The following OPCML variants were observed in gnomAD, a reference collection of about 807,000 sequenced individuals.
OPCML encodes the protein opioid binding protein/cell adhesion molecule like.
A neutral mutation model predicts 37.8 loss-of-function variants in OPCML; 13 were observed. The observed-to-expected ratio is 0.34, with a 90% CI of 0.22 to 0.55. The LOEUF (loss-of-function observed/expected upper bound fraction) is 0.55. Among genes scored for constraint, OPCML ranks in the 20% least tolerant of loss-of-function variants. The probability of loss-of-function intolerance (pLI) is 0.91; values close to 1 mark genes in which losing one functional copy is unlikely to be tolerated. For missense variants in OPCML, 341 were observed against 435.6 expected (o/e 0.78, Z 1.93); for synonymous variants, 176 against 168.8 (o/e 1.04, Z -0.33).
chr11:133,309,141 G>A (rs1211450808), intron 1 of OPCML, among the ~76,000 whole-genome samples: 1 of 152,156 alleles, frequency 6.6e-6, no homozygotes, highest in Non-Finnish European at 1.5e-5. Flanking sequence ...AGAAGTTTAA[G>A]CAGAAACAAG....
Position 132,543,357 on chromosome 11 carries a change from C to A in OPCML, c.380-14171G>T, listed in dbSNP as rs533847780. ...CAAGTCCCTGTCTCTTTAAAATGCA[C>A]ACACACACAGCCAGGCATGGTGGCA... On this transcript the variant is annotated intron_variant, in intron 3 of 7. Coordinates refer to ENST00000524381, the MANE Select transcript of OPCML (RefSeq NM_001012393.5). 3.6e-4 allele frequency among the ~76,000 whole-genome samples: 54 copies of A among 151,918 alleles called. No individual in the cohort carries two copies. In the East Asian group the frequency reaches 7.4e-3, roughly 21 times the overall value.
intron 1 of OPCML, among the ~76,000 whole-genome samples, chr11:133,380,847 T>A (rs1345519445): frequency 3.3e-5 from 5 of 152,152 alleles, no homozygotes; most frequent in Non-Finnish European, 2.9e-5. Context: ...GAATCATCTA[T>A]AAAATCATTT....
intron 1 of OPCML, among the ~76,000 whole-genome samples, chr11:133,459,099 G>T (rs1191807414): frequency 1.3e-5 from 2 of 152,008 alleles, no homozygotes; most frequent in African/African-American, 4.8e-5. Context: ...GGGAGGAGGA[G>T]CTGTAAAGAA....
intron 1 of OPCML, among the ~76,000 whole-genome samples, chr11:133,045,138 C>A (rs1382935165): frequency 1.3e-5 from 2 of 152,150 alleles, no homozygotes; most frequent in Non-Finnish European, 2.9e-5. Context: ...CTCACACATA[C>A]CCCCGGCTCT....
intron 1 of OPCML, among the ~76,000 whole-genome samples, chr11:133,157,459 C>A (rs1005616909): frequency 6.6e-6 from 1 of 152,128 alleles, no homozygotes; most frequent in Non-Finnish European, 1.5e-5. Flanking sequence ...CCATTTTGGG[C>A]TCTCTCTTCA....
At chr11:133,096,398 G>T (rs1465321918) in intron 1 of OPCML, among the ~76,000 whole-genome samples, 1 of 151,912 alleles carries the variant, frequency 6.6e-6, no homozygotes, top group Non-Finnish European at 1.5e-5. Flanking sequence ...GGTGGTAGGA[G>T]AGAAAATGAG....
At chr11:132,737,919 C>A (rs1035051666) in intron 2 of OPCML, among the ~76,000 whole-genome samples, 2 of 152,166 alleles carry the variant, frequency 1.3e-5, no homozygotes, top group African/African-American at 2.4e-5. Context: ...GGTATCTCTA[C>A]GCTCAGAATG....
intron 1 of OPCML, among the ~76,000 whole-genome samples, chr11:133,457,422 C>T (rs1400243885): frequency 6.6e-6 from 1 of 151,866 alleles, no homozygotes; most frequent in Non-Finnish European, 1.5e-5. Flanking sequence ...GCCTGTAGTC[C>T]CAACTACTTG....
chr11:132,669,827 A>G (rs1381661377), intron 2 of OPCML, among the ~76,000 whole-genome samples: 1 of 152,118 alleles, frequency 6.6e-6, no homozygotes, highest in Non-Finnish European at 1.5e-5. Flanking sequence ...GGTCATCAGC[A>G]ATGGTTTGGA....
chr11:133,190,534 G>C (rs1018557559), intron 1 of OPCML, among the ~76,000 whole-genome samples: 3 of 151,868 alleles, frequency 2.0e-5, no homozygotes, highest in Admixed American at 6.6e-5. Context: ...ACTGATTTTA[G>C]TTTGTTCACA....
Position 132,420,041 on chromosome 11 carries a change from C to T in OPCML, c.*152G>A. ...CACTCATTCAAGCTGGAAATAAAAG[C>T]AAACAAACAAATAAACAAAAACAAA... On this transcript the variant is annotated 3_prime_UTR_variant, in exon 8 of 8. Transcript: ENST00000524381. The T allele has an allele frequency of 2.4e-6, 1 of 408,978 alleles. No homozygotes were observed. The highest frequency in any genetic ancestry group is 4.4e-6 in the Non-Finnish European group (1 of 225,614). The allele number at this position is 408,978 out of a possible 1,614,324, so 25.3% of individuals were successfully genotyped here.
chr11:132,855,218 T>G (rs1348534077), intron 2 of OPCML, among the ~76,000 whole-genome samples: 2 of 150,182 alleles, frequency 1.3e-5, no homozygotes, highest in Non-Finnish European at 2.9e-5. Flanking sequence ...TTCTGGTAAC[T>G]GACTGACTAC....
intron 1 of OPCML, among the ~76,000 whole-genome samples, chr11:133,018,519 G>C (rs917410448): frequency 6.6e-6 from 1 of 152,114 alleles, no homozygotes; most frequent in Admixed American, 6.5e-5. Context: ...ATTCAGACGT[G>C]CCCTTTTGTA....
intron 1 of OPCML, among the ~76,000 whole-genome samples, chr11:133,149,929 C>T (rs556110278): frequency 1.3e-5 from 2 of 152,160 alleles, no homozygotes; most frequent in Non-Finnish European, 2.9e-5. Context: ...TTCAAGAGGC[C>T]GGAGCACTTG....
chr11:132,851,663 C>T (rs1369078952), intron 2 of OPCML, among the ~76,000 whole-genome samples: 2 of 152,200 alleles, frequency 1.3e-5, no homozygotes, highest in Non-Finnish European at 2.9e-5. Flanking sequence ...AAGCACTCAG[C>T]TAAGCACTTT....
chr11:133,045,344 A>G (rs1947986619), intron 1 of OPCML, among the ~76,000 whole-genome samples: 2 of 152,198 alleles, frequency 1.3e-5, no homozygotes, highest in Non-Finnish European at 2.9e-5. Context: ...CGCTAGCTCT[A>G]TTGCAGTAGG....
Position 133,035,138 on chromosome 11 carries a change from T to C in OPCML, c.62-92128A>G, listed in dbSNP as rs890268972. Among the ~76,000 whole-genome samples, 22 of 152,218 alleles carry C rather than the reference T, an allele frequency of 1.4e-4. 1 individual carries two copies. The highest frequency in any genetic ancestry group is 5.9e-5 in the Non-Finnish European group (4 of 68,040). Reference sequence around the variant, plus strand: ...TACAGAGGGGAGGGTACTGTTGATATGCAGTCTTGCTCATAGATTACCTTC... The same window carrying C: ...TACAGAGGGGAGGGTACTGTTGATACGCAGTCTTGCTCATAGATTACCTTC... On this transcript the variant is annotated intron_variant, in intron 1 of 7. Coordinates refer to ENST00000524381, the MANE Select transcript of OPCML (RefSeq NM_001012393.5).
intron 1 of OPCML, chr11:133,006,575 T>G (rs1947117481): frequency 1.0e-6 from 1 of 985,346 alleles, no homozygotes; most frequent in African/African-American, 1.7e-5. Context: ...TATAGGGTGC[T>G]GTTGAAAGTT....
intron 3 of OPCML, among the ~76,000 whole-genome samples, chr11:132,570,475 T>A (rs2096434594): frequency 6.6e-6 from 1 of 152,018 alleles, no homozygotes; most frequent in African/African-American, 2.4e-5. Flanking sequence ...TTTTCTTTAA[T>A]GCAATTATTA....
Sources: allele counts gnomAD v4.1 joint callset (sites outside exome capture counted in the v4.1 genomes callset), GRCh38; gene constraint gnomAD v4.1.1; transcripts MANE v1.5; gene names NCBI Gene and HGNC (gene_info 2026-07-23, HGNC 2026-07-21).